Variants in FCHO2 observed in about 807,000 individuals in gnomAD.
FCHO2 encodes the protein F-BAR domain only protein 2.
In FCHO2, 43 loss-of-function variants were observed where a neutral mutation model predicts 114.1. The observed-to-expected ratio is 0.38, with a 90% CI of 0.30 to 0.49. The LOEUF (loss-of-function observed/expected upper bound fraction) is 0.49, where lower values mean the gene tolerates loss of function less well. FCHO2 is among the 20% of genes least tolerant of loss of function. The probability of loss-of-function intolerance (pLI) is 0.97; values close to 1 mark genes in which losing one functional copy is unlikely to be tolerated. For missense variants in FCHO2, 807 were observed against 950.4 expected, an observed-to-expected ratio of 0.85 and a Z score of 1.98; for synonymous variants, 293 against 315.2, an observed-to-expected ratio of 0.93 and a Z score of 0.75.
intron 6 of FCHO2, among the ~76,000 whole-genome samples, chr5:73,009,411 A>G (rs1389149931): frequency 2.0e-5 from 3 of 152,146 alleles, no homozygotes; most frequent in Non-Finnish European, 4.4e-5. Context: ...TTGTTTGTTG[A>G]TGTTACTTTA....
intron 1 of FCHO2, among the ~76,000 whole-genome samples, chr5:72,959,976 C>T (rs1303932864): frequency 1.3e-5 from 2 of 152,088 alleles, no homozygotes; most frequent in East Asian, 1.9e-4. Context: ...GATGAGATCT[C>T]GCTATGTTGC....
At chr5:73,086,972 G>A (rs1297720563) in intron 24 of FCHO2, among the ~76,000 whole-genome samples, 1 of 152,144 alleles carries the variant, frequency 6.6e-6, no homozygotes, top group Non-Finnish European at 1.5e-5. Context: ...TTTTGTGCCT[G>A]TAGCTCCTCA....
At chr5:73,029,657 C>G (rs1444698766) in intron 8 of FCHO2, among the ~76,000 whole-genome samples, 1 of 152,152 alleles carries the variant, frequency 6.6e-6, no homozygotes, top group Non-Finnish European at 1.5e-5. Context: ...CTGGCATGTG[C>G]TTCTGGTGAG....
chr5:73,040,854 T>C (rs1370213821), intron 10 of FCHO2, among the ~76,000 whole-genome samples: 1 of 152,220 alleles, frequency 6.6e-6, no homozygotes, highest in African/African-American at 2.4e-5. Context: ...TACTTAATAC[T>C]GACTTTTTTT....
intron 1 of FCHO2, among the ~76,000 whole-genome samples, chr5:72,960,691 G>A (rs1751809489): frequency 6.6e-6 from 1 of 151,998 alleles, no homozygotes; most frequent in Non-Finnish European, 1.5e-5. Context: ...AATTAAAATG[G>A]CATTATATTT....
chr5:72,958,458 T>A (rs983476716), intron 1 of FCHO2, among the ~76,000 whole-genome samples: 42 of 152,222 alleles, frequency 2.8e-4, no homozygotes, highest in African/African-American at 1.0e-3. Context: ...CCCGTTGAAT[T>A]GTGGTACCAT....
At chr5:73,061,868 T>A (rs535667153) in intron 17 of FCHO2, among the ~76,000 whole-genome samples, 7 of 152,218 alleles carry the variant, frequency 4.6e-5, no homozygotes, top group Admixed American at 4.6e-4. Flanking sequence ...TAATATTAGA[T>A]GTTTTGAAAA....
intron 2 of FCHO2, among the ~76,000 whole-genome samples, chr5:72,981,294 G>A (rs1372950779): frequency 6.6e-6 from 1 of 152,072 alleles, no homozygotes; most frequent in Admixed American, 6.5e-5. Context: ...TGGCTTGTAG[G>A]GTTTCTGCAG....
At chr5:73,037,067 G>A in intron 9 of FCHO2, 76 bp from the exon 10 acceptor site, 2 of 974,098 alleles carry the variant, frequency 2.1e-6, no homozygotes, top group South Asian at 4.0e-5. Context: ...GTGTGAGGAT[G>A]CAAGATGTAT....
At chr5:73,042,024 C>A (rs56754821) in intron 11 of FCHO2, among the ~76,000 whole-genome samples, 45,306 of 151,876 alleles carry the variant, frequency 0.3, 6,983 homozygotes, top group East Asian at 0.44. Flanking sequence ...CCTTTGATCC[C>A]AAAACATTTT....
chr5:73,087,990 T>C, intron 25 of FCHO2, 78 bp from the exon 26 acceptor site: 1 of 1,579,700 alleles, frequency 6.3e-7, no homozygotes. Context: ...TAGAGTTTTG[T>C]ATTGGTAACC....
intron 6 of FCHO2, among the ~76,000 whole-genome samples, chr5:73,011,482 T>TC (rs1755009744): frequency 6.6e-6 from 1 of 152,254 alleles, no homozygotes; most frequent in East Asian, 1.9e-4. Flanking sequence ...ACTTTTTAAA[T>TC]CTTTTTCCTA....
chr5:73,048,215 C>T (rs560484492), intron 11 of FCHO2, among the ~76,000 whole-genome samples: 22 of 151,830 alleles, frequency 1.4e-4, no homozygotes, highest in Admixed American at 1.0e-3. Context: ...TTTGGGGGGC[C>T]GAGGTGAGCA....
At chr5:73,065,131 G>A (rs554731607) in intron 18 of FCHO2, among the ~76,000 whole-genome samples, 4 of 151,864 alleles carry the variant, frequency 2.6e-5, no homozygotes. Flanking sequence ...TTTCTTTTCC[G>A]AATGAACAGA....
In FCHO2 at chr5:72,974,624, T is replaced by C. The variant is rs1468052305; in HGVS notation, c.125+6035T>C. 4.6e-5 allele frequency among the ~76,000 whole-genome samples: 7 copies of C among 152,076 alleles called. No homozygotes were observed. In the East Asian group the frequency reaches 1.4e-3, roughly 29 times the overall value. On this transcript the variant is annotated intron_variant, in intron 2 of 25. Coordinates refer to ENST00000430046, the MANE Select transcript of FCHO2 (RefSeq NM_138782.3). ...CTGCATGTGAGATGGGTTTCCTGAA[T>C]ACAGCACACTGATGGGTCTTGACTC...
intron 11 of FCHO2, among the ~76,000 whole-genome samples, chr5:73,044,749 T>C (rs1756975961): frequency 6.6e-6 from 1 of 152,104 alleles, no homozygotes; most frequent in Non-Finnish European, 1.5e-5. Flanking sequence ...TTAAGAAACA[T>C]TTCATTGACT....
intron 2 of FCHO2, among the ~76,000 whole-genome samples, chr5:72,983,803 T>C (rs577334089): frequency 1.3e-5 from 2 of 151,772 alleles, no homozygotes; most frequent in African/African-American, 4.8e-5. Flanking sequence ...CTGTTTTCGG[T>C]TTTTTTTCTA....
chr5:73,027,918 C>A (rs1561460454), intron 8 of FCHO2, among the ~76,000 whole-genome samples: 1 of 152,276 alleles, frequency 6.6e-6, no homozygotes, highest in Admixed American at 6.5e-5. Context: ...ACTATACCAG[C>A]CAGGCATGCT....
chr5:73,081,792 A>C lies in FCHO2; in HGVS notation c.1990A>C (p.Asn664His), dbSNP rs1383131365. 1 of 1,525,614 alleles carries C rather than the reference A, an allele frequency of 6.6e-7. No individual in the cohort carries two copies. 94.5% of individuals were successfully genotyped at this position (1,525,614 alleles called of 1,614,324 possible). A position where few individuals can be genotyped will look rare whatever the true frequency, so the allele number is the denominator to read the frequency against. The change falls in exon 23 of 26, where the codon AAT becomes CAT. Residue 664 changes from asparagine to histidine, a missense_variant. By Grantham distance (68) the Asn-to-His change is moderately conservative. Coordinates refer to ENST00000430046, the MANE Select transcript of FCHO2 (RefSeq NM_138782.3). ...VDVLKYQVSS[N>H]GIQSTPLNLA... ...TCTTTTCTCTTTAAAGGTATCATCA[A>C]ATGGTATTCAGTCCACTCCTCTGAA...
Sources: gnomAD v4.1 joint callset for allele counts (sites outside exome capture counted in the v4.1 genomes callset) on GRCh38, gnomAD v4.1.1 for gene constraint, MANE v1.5 for transcripts, NCBI Gene and HGNC (gene_info 2026-07-23, HGNC 2026-07-21) for gene names.